The following MYO1D variants were observed in gnomAD, a reference collection of about 807,000 sequenced individuals.
MYO1D encodes unconventional myosin-Id.
MYO1D carries 83 observed loss-of-function variants against 122.0 expected under a neutral mutation model. The observed-to-expected ratio is 0.68, with a 90% confidence interval of 0.57 to 0.82. The LOEUF is 0.82. MYO1D is among the 40% of genes least tolerant of loss of function. The probability of loss-of-function intolerance (pLI) is 0.00; values close to 1 mark genes in which losing one functional copy is unlikely to be tolerated. For synonymous variants in MYO1D, 464 were observed against 446.9 expected, an observed-to-expected ratio of 1.04 and a Z score of -0.48; for missense variants, 1,157 against 1,269.5, an observed-to-expected ratio of 0.91 and a Z score of 1.35.
intron 16 of MYO1D, among the ~76,000 whole-genome samples, chr17:32,698,521 C>A (rs561703167): frequency 1.3e-5 from 2 of 151,994 alleles, no homozygotes; most frequent in African/African-American, 4.8e-5. Context: ...CATATGAAAG[C>A]CCCCATCACT....
intron 16 of MYO1D, among the ~76,000 whole-genome samples, chr17:32,698,262 CCTTCCTT>C (rs2089198711): frequency 6.7e-6 from 1 of 150,152 alleles, no homozygotes; most frequent in African/African-American, 2.5e-5. Flanking sequence ...CTTTTTCCTT[CCTTCCTT>C]CTTCCTTCCT....
At chr17:32,654,401 A>G in intron 18 of MYO1D, 76 bp downstream of exon 18, 2 of 1,467,930 alleles carry the variant, frequency 1.4e-6, no homozygotes, top group Non-Finnish European at 1.8e-6. Context: ...CTTTCTGCAA[A>G]TTCTTTGGAG....
chr17:32,709,024 G>A (rs953654092), intron 16 of MYO1D, among the ~76,000 whole-genome samples: 1 of 152,172 alleles, frequency 6.6e-6, no homozygotes, highest in Non-Finnish European at 1.5e-5. Flanking sequence ...TTATATATGA[G>A]CTGGGCTCAT....
At chr17:32,833,223 G>C (rs779839545) in intron 1 of MYO1D, among the ~76,000 whole-genome samples, 4 of 152,166 alleles carry the variant, frequency 2.6e-5, no homozygotes, top group Non-Finnish European at 5.9e-5. Flanking sequence ...TGTCAGTAAA[G>C]TATGTCCAGA....
rs2090746591 is a variant in MYO1D at position 32,828,762 on chromosome 17, G to T, written c.96-47978C>A. 2.0e-5 allele frequency among the ~76,000 whole-genome samples: 3 copies of T among 152,296 alleles called. No individual in the cohort carries two copies. The South Asian group carries it at 6.2e-4, about 32-fold the overall frequency. ...AACCTATTTTGAATGCCTGCTTCGT[G>T]CTAAGAGGCAAGGTGGTGCTAGATA... On this transcript the variant is annotated intron_variant, in intron 1 of 21. Transcript: ENST00000318217.
At chr17:32,654,436 A>C in intron 18 of MYO1D, 41 bp downstream of exon 18, 6 of 1,549,258 alleles carry the variant, frequency 3.9e-6, no homozygotes, top group Non-Finnish European at 5.2e-6. Context: ...TTTTTAGTAG[A>C]GGAAGTAGAA....
At chr17:32,796,705 T>C (rs2090420201) in intron 1 of MYO1D, among the ~76,000 whole-genome samples, 2 of 152,100 alleles carry the variant, frequency 1.3e-5, no homozygotes, top group South Asian at 4.1e-4. Flanking sequence ...TGAGCCACCA[T>C]GCCCAGCCAA....
At chr17:32,730,386 T>C (rs952603857) in intron 14 of MYO1D, among the ~76,000 whole-genome samples, 1 of 152,228 alleles carries the variant, frequency 6.6e-6, no homozygotes, top group Non-Finnish European at 1.5e-5. Flanking sequence ...TTTACAGAGT[T>C]CATTTACATG....
intron 8 of MYO1D, 130 bp downstream of exon 8, chr17:32,764,748 A>C: frequency 1.0e-6 from 1 of 979,522 alleles, no homozygotes; most frequent in Non-Finnish European, 1.5e-6. Context: ...TTGTATGGCC[A>C]GAAAGTATCA....
At chr17:32,631,626 A>G (rs1251161476) in intron 20 of MYO1D, among the ~76,000 whole-genome samples, 6 of 152,110 alleles carry the variant, frequency 3.9e-5, no homozygotes, top group African/African-American at 1.4e-4. Context: ...CAGCCTGGGC[A>G]ACAGAGCGAG....
chr17:32,664,758 T>TG (rs1296168324), intron 16 of MYO1D, among the ~76,000 whole-genome samples: 5 of 152,204 alleles, frequency 3.3e-5, no homozygotes, highest in African/African-American at 1.2e-4. Flanking sequence ...CAGAGAATGC[T>TG]GGCATGGCGT....
intron 19 of MYO1D, among the ~76,000 whole-genome samples, chr17:32,650,240 A>C (rs567076406): frequency 6.6e-6 from 1 of 152,348 alleles, no homozygotes; most frequent in South Asian, 2.1e-4. Context: ...AGTACTTTAA[A>C]GATGTTGCTC....
At chr17:32,832,083 T>C (rs965821989) in intron 1 of MYO1D, among the ~76,000 whole-genome samples, 1 of 152,124 alleles carries the variant, frequency 6.6e-6, no homozygotes, top group African/African-American at 2.4e-5. Flanking sequence ...CGATACATTG[T>C]CATGTATAAT....
chr17:32,652,730 C>T (rs902805002), intron 19 of MYO1D, among the ~76,000 whole-genome samples: 4 of 152,124 alleles, frequency 2.6e-5, no homozygotes, highest in African/African-American at 9.7e-5. Context: ...TATCCTGCAC[C>T]AGACAAGCAA....
intron 16 of MYO1D, among the ~76,000 whole-genome samples, chr17:32,668,444 A>G (rs547903273): frequency 3.9e-4 from 60 of 152,336 alleles, no homozygotes; most frequent in Admixed American, 3.9e-3. Flanking sequence ...CATTTGCTTT[A>G]GTGGTTTGCA....
intron 1 of MYO1D, among the ~76,000 whole-genome samples, chr17:32,809,273 C>A (rs1331309220): frequency 1.3e-5 from 2 of 151,768 alleles, no homozygotes; most frequent in Non-Finnish European, 2.9e-5. Flanking sequence ...CATGTGTCAC[C>A]ACACCCAACT....
chr17:32,750,770 G>A (rs982165217), intron 11 of MYO1D, among the ~76,000 whole-genome samples: 31 of 152,214 alleles, frequency 2.0e-4, no homozygotes, highest in African/African-American at 7.0e-4. Context: ...AGACCTCCAC[G>A]GTTCAAATCT....
chr17:32,634,567 G>T lies in MYO1D; in HGVS notation c.2709+4155C>A, dbSNP rs189190971. ...GTGCATTAGGAAAACAACAAATATT[G>T]GTCCCATAGTGCGTGGCTGGAGGCA... is the stretch of plus-strand genomic sequence containing the variant. On this transcript the variant is annotated intron_variant, in intron 20 of 21. Coordinates refer to ENST00000318217, the MANE Select transcript of MYO1D (RefSeq NM_015194.3). Among the ~76,000 whole-genome samples the T allele has an allele frequency of 5.3e-5, 8 of 152,272 alleles. No homozygotes were observed. In the East Asian group the frequency reaches 1.3e-3, roughly 26 times the overall value.
chr17:32,560,641 A>G (rs2087116521), intron 21 of MYO1D, among the ~76,000 whole-genome samples: 1 of 140,340 alleles, frequency 7.1e-6, no homozygotes, highest in Admixed American at 7.3e-5. Context: ...TTTTTTTGAG[A>G]TGGAGTCTTG....
Sources: gnomAD v4.1 joint callset for allele counts (sites outside exome capture counted in the v4.1 genomes callset) on GRCh38, gnomAD v4.1.1 for gene constraint, MANE v1.5 for transcripts, NCBI Gene and HGNC (gene_info 2026-07-23, HGNC 2026-07-21) for gene names.